SRRM4: variants seen among roughly 807,000 people sequenced by gnomAD.
SRRM4 encodes the protein serine/arginine repetitive matrix protein 4.
Under a neutral mutation model 68.9 loss-of-function variants are expected in SRRM4, and 33 were observed. The ratio of observed to expected loss-of-function variants is 0.48; its 90% confidence interval spans 0.36 to 0.64. The LOEUF is 0.64. Ranked by LOEUF, SRRM4 falls within the 30% of genes least tolerant of loss-of-function variation. The pLI is 0.00. For synonymous variants in SRRM4, 318 were observed against 318.8 expected (o/e 1.00, Z 0.03); for missense variants, 817 against 827.1 (o/e 0.99, Z 0.15).
intron 8 of SRRM4, among the ~76,000 whole-genome samples, chr12:119,139,491 T>G (rs1010614992): frequency 7.2e-5 from 11 of 152,188 alleles, no homozygotes; most frequent in African/African-American, 1.2e-4. Flanking sequence ...TCCTACCACC[T>G]GGAAGGATAA....
At position 119,145,623 on chromosome 12, in the gene SRRM4, A is replaced by C; in HGVS notation, c.1014A>C (p.Ser338=). 6.5e-7 allele frequency: 1 copy of C among 1,545,792 alleles called. No individual in the cohort carries two copies. The change falls in exon 9 of 13, where the codon TCA becomes TCC. Residue 338 remains serine, a synonymous_variant. Coordinates refer to ENST00000267260, the MANE Select transcript of SRRM4 (RefSeq NM_194286.4). ...CAGGGAACTCCTTCACCACCTCCTC[A>C]CCCCAGAACAAGGGGGCCATGTTGG... ...SDSGNSFTTS[S]PQNKGAMLEN...
At position 119,158,280 on chromosome 12, in the gene SRRM4, G is replaced by A. The variant is rs1291228600; in HGVS notation, c.*1482G>A. 3 of 152,836 alleles carry A rather than the reference G, an allele frequency of 2.0e-5. No homozygotes were observed. 9.5% of individuals were successfully genotyped at this position (152,836 alleles called of 1,614,324 possible). A position where few individuals can be genotyped will look rare whatever the true frequency, so the allele number is the denominator to read the frequency against. ...CAGCAGGACAGGGCACGGAGGGAGC[G>A]AGGGAGAGAGGACCGGTCCCAGCTT... On this transcript the variant is annotated 3_prime_UTR_variant, in exon 13 of 13. Transcript: ENST00000267260.
chr12:119,036,779 C>G (rs894956195), intron 1 of SRRM4: 1 of 152,366 alleles, frequency 6.6e-6, no homozygotes, highest in African/African-American at 2.4e-5. Context: ...GAAAGGAAAA[C>G]GGTACCTCCA....
chr12:118,982,611 A>C (rs113731419), intron 1 of SRRM4, among the ~76,000 whole-genome samples: 2 of 151,386 alleles, frequency 1.3e-5, no homozygotes, highest in African/African-American at 4.8e-5. Context: ...CTCTGAGCTC[A>C]GGAGTCAGGG....
At chr12:119,131,923 C>G (rs1417477649) in intron 8 of SRRM4, among the ~76,000 whole-genome samples, 4 of 152,056 alleles carry the variant, frequency 2.6e-5, no homozygotes, top group Non-Finnish European at 4.4e-5. Flanking sequence ...GAGGTGGAAG[C>G]AAGGAAAAGT....
At chr12:118,997,952 T>C (rs1474450286) in intron 1 of SRRM4, among the ~76,000 whole-genome samples, 1 of 152,122 alleles carries the variant, frequency 6.6e-6, no homozygotes, top group Non-Finnish European at 1.5e-5. Context: ...AGTTTTTAAC[T>C]ACCACGTCCT....
At chr12:119,059,740 T>G (rs1197985157) in intron 1 of SRRM4, among the ~76,000 whole-genome samples, 1 of 152,204 alleles carries the variant, frequency 6.6e-6, no homozygotes, top group Non-Finnish European at 1.5e-5. Flanking sequence ...ATATCTCATG[T>G]CGCTGCTACC....
intron 1 of SRRM4, among the ~76,000 whole-genome samples, chr12:119,008,307 G>A (rs1953427852): frequency 2.0e-5 from 3 of 151,542 alleles, no homozygotes; most frequent in African/African-American, 7.3e-5. Context: ...AGGAAATCGA[G>A]GCTACAGTGA....
intron 1 of SRRM4, among the ~76,000 whole-genome samples, chr12:119,066,389 C>A (rs1953846154): frequency 6.6e-6 from 1 of 152,206 alleles, no homozygotes; most frequent in African/African-American, 2.4e-5. Flanking sequence ...AAACTGGATT[C>A]AGCTCTCAGT....
At chr12:119,079,298 C>T (rs565903349) in intron 1 of SRRM4, among the ~76,000 whole-genome samples, 39 of 152,184 alleles carry the variant, frequency 2.6e-4, no homozygotes, top group Non-Finnish European at 8.8e-5. Flanking sequence ...GAGCCACAGT[C>T]GGGAGTCTGA....
rs71451816 is a variant in SRRM4, at chr12:119,117,596, G to GCACACACACACACACACACACA, written c.437+607_437+608insACACACACACACACACACACAC. Reference sequence around the variant, plus strand: ...GGCCCATGTTCCTGGTGTTCACTGTGCACACACACACACACACACGTGTAT... The same window carrying GCACACACACACACACACACACA: ...GGCCCATGTTCCTGGTGTTCACTGTGCACACACACACACACACACACACACACACACACACACACACGTGTAT... On this transcript the variant is annotated intron_variant, in intron 4 of 12. Transcript: ENST00000267260. Among the ~76,000 whole-genome samples the GCACACACACACACACACACACA allele has an allele frequency of 2.3e-4, 34 of 150,404 alleles. 1 individual carries two copies. Among genetic ancestry groups the GCACACACACACACACACACACA allele is most frequent in the Middle Eastern group, 3.5e-3 (1 of 286 alleles).
chr12:119,052,399 C>T (rs1953748505), intron 1 of SRRM4, among the ~76,000 whole-genome samples: 1 of 152,116 alleles, frequency 6.6e-6, no homozygotes, highest in African/African-American at 2.4e-5. Context: ...CCAAGACTCA[C>T]CTGGGAAAGA....
At chr12:119,114,139 A>C (rs1403535838) in intron 2 of SRRM4, 139 bp from the exon 3 acceptor site, 1 of 600,952 alleles carries the variant, frequency 1.7e-6, no homozygotes, top group African/African-American at 1.9e-5. Flanking sequence ...TGACCCAATC[A>C]GCCATGAGGT....
At chr12:118,997,002 G>C (rs991860253) in intron 1 of SRRM4, among the ~76,000 whole-genome samples, 4 of 152,192 alleles carry the variant, frequency 2.6e-5, no homozygotes, top group African/African-American at 9.7e-5. Context: ...AGTAGTGATG[G>C]TCCCAGTCTG....
chr12:119,153,251 C>T (rs148063690), intron 10 of SRRM4, among the ~76,000 whole-genome samples: 18 of 152,228 alleles, frequency 1.2e-4, no homozygotes, highest in African/African-American at 4.3e-4. Context: ...ACTATTATTA[C>T]CTGCATTTTA....
intron 7 of SRRM4, among the ~76,000 whole-genome samples, chr12:119,128,862 C>G (rs1030226019): frequency 2.0e-5 from 3 of 152,242 alleles, no homozygotes; most frequent in Non-Finnish European, 4.4e-5. Flanking sequence ...AAACACTACC[C>G]CGGGCCTCCT....
chr12:118,998,338 G>A (rs1162584189), intron 1 of SRRM4, among the ~76,000 whole-genome samples: 2 of 142,870 alleles, frequency 1.4e-5, no homozygotes, highest in African/African-American at 5.2e-5. Flanking sequence ...ATTGGTAGTT[G>A]TGGTCTGGAG....
chr12:119,068,751 C>G (rs1953860760), intron 1 of SRRM4, among the ~76,000 whole-genome samples: 1 of 151,924 alleles, frequency 6.6e-6, no homozygotes, highest in Admixed American at 6.6e-5. Flanking sequence ...TTTCCAAAGC[C>G]AAGAGATAAA....
chr12:119,134,662 A>G (rs1215639677), intron 8 of SRRM4, among the ~76,000 whole-genome samples: 2 of 152,164 alleles, frequency 1.3e-5, no homozygotes, highest in Non-Finnish European at 2.9e-5. Context: ...CAAAATCCTG[A>G]AACAGAAAAG....
Sources: allele counts gnomAD v4.1 joint callset (sites outside exome capture counted in the v4.1 genomes callset), GRCh38; gene constraint gnomAD v4.1.1; transcripts MANE v1.5; gene names NCBI Gene and HGNC (gene_info 2026-07-23, HGNC 2026-07-21).